Variants in GALNT10 observed in about 807,000 individuals in gnomAD.
The protein encoded by GALNT10 is GalNAc transferase 10.
A neutral mutation model predicts 75.0 loss-of-function variants in GALNT10; 41 were observed. That is an observed-to-expected ratio of 0.55 (90% CI 0.43 to 0.71). The LOEUF (loss-of-function observed/expected upper bound fraction) is 0.71, where lower values mean the gene tolerates loss of function less well. GALNT10 is among the 30% of genes least tolerant of loss of function. The pLI, the probability that GALNT10 is intolerant of heterozygous loss-of-function variation, is 0.00. For missense variants in GALNT10, 727 were observed against 818.5 expected, an observed-to-expected ratio of 0.89 and a Z score of 1.36; for synonymous variants, 302 against 313.0, an observed-to-expected ratio of 0.96 and a Z score of 0.37.
intron 7 of GALNT10, among the ~76,000 whole-genome samples, chr5:154,398,935 G>T (rs1302042267): frequency 6.6e-6 from 1 of 152,126 alleles, no homozygotes; most frequent in East Asian, 1.9e-4. Flanking sequence ...GTAATTTCAG[G>T]GTGGTGGTGT....
At chr5:154,224,611 C>T (rs1753032679) in intron 1 of GALNT10, among the ~76,000 whole-genome samples, 1 of 152,094 alleles carries the variant, frequency 6.6e-6, no homozygotes, top group South Asian at 2.1e-4. Context: ...TTAAGCTAAC[C>T]AGATTCATTC....
intron 1 of GALNT10, among the ~76,000 whole-genome samples, chr5:154,215,520 A>G (rs1581921834): frequency 6.6e-6 from 1 of 152,308 alleles, no homozygotes; most frequent in East Asian, 1.9e-4. Context: ...AAAAGGTGTT[A>G]TCTAGGTATT....
chr5:154,291,359 C>T (rs1754192368), intron 1 of GALNT10, among the ~76,000 whole-genome samples: 1 of 152,006 alleles, frequency 6.6e-6, no homozygotes, highest in Non-Finnish European at 1.5e-5. Context: ...CTTTTTTGGC[C>T]CAGCAGCGTC....
intron 4 of GALNT10, among the ~76,000 whole-genome samples, chr5:154,334,443 T>C (rs1754911969): frequency 6.6e-6 from 1 of 152,230 alleles, no homozygotes; most frequent in African/African-American, 2.4e-5. Context: ...GATGGGCGTA[T>C]AGGCTGGCAG....
intron 4 of GALNT10, among the ~76,000 whole-genome samples, chr5:154,368,553 C>T (rs1432897976): frequency 1.3e-5 from 2 of 152,170 alleles, no homozygotes; most frequent in African/African-American, 4.8e-5. Flanking sequence ...GTCTTACAAG[C>T]GGACTCATGT....
intron 1 of GALNT10, among the ~76,000 whole-genome samples, chr5:154,262,036 A>G (rs528910037): frequency 1.3e-5 from 2 of 152,320 alleles, no homozygotes; most frequent in South Asian, 2.1e-4. Flanking sequence ...CATGTGGGTT[A>G]CTGGTAGTAT....
In GALNT10 at chr5:154,413,074, G is replaced by A. The variant is rs72795437; in HGVS notation, c.1503+69G>A. On this transcript the variant is annotated intron_variant, in intron 10 of 11. Transcript: ENST00000297107. ...CATCTGCAGCCTGGGGTGCTGACACGGCCAGCTGGGAGGGAGAGGCATGGG... is the reference window on the plus strand; with the variant it reads ...CATCTGCAGCCTGGGGTGCTGACACAGCCAGCTGGGAGGGAGAGGCATGGG... 9,673 of 968,662 alleles carry A rather than the reference G, an allele frequency of 1.0e-2. 75 individuals are homozygous for A. Among genetic ancestry groups the A allele is most frequent in the Middle Eastern group, 0.017 (72 of 4,214 alleles). 60.0% of individuals were successfully genotyped at this position (968,662 alleles called of 1,614,324 possible).
At chr5:154,293,605 A>G (rs1413904602) in intron 1 of GALNT10, among the ~76,000 whole-genome samples, 2 of 121,010 alleles carry the variant, frequency 1.7e-5, no homozygotes, top group Non-Finnish European at 3.6e-5. Flanking sequence ...ATATATATAT[A>G]TATATATATT....
At chr5:154,358,468 T>G (rs1755331767) in intron 4 of GALNT10, among the ~76,000 whole-genome samples, 1 of 152,192 alleles carries the variant, frequency 6.6e-6, no homozygotes, top group Non-Finnish European at 1.5e-5. Flanking sequence ...TTATTCCCAC[T>G]TTGCAGATAA....
At chr5:154,415,134 CA>C (rs1018084022) in intron 10 of GALNT10, among the ~76,000 whole-genome samples, 10 of 151,536 alleles carry the variant, frequency 6.6e-5, no homozygotes, top group African/African-American at 1.9e-4. Flanking sequence ...AAAAAACAAA[CA>C]AAAAAAAGAA....
At chr5:154,257,417 G>A (rs1050847263) in intron 1 of GALNT10, among the ~76,000 whole-genome samples, 1 of 152,150 alleles carries the variant, frequency 6.6e-6, no homozygotes, top group Admixed American at 6.5e-5. Context: ...GCCTTCCTGT[G>A]TTTTCCATTT....
intron 4 of GALNT10, among the ~76,000 whole-genome samples, chr5:154,373,279 G>A (rs887914623): frequency 5.3e-5 from 8 of 152,198 alleles, no homozygotes; most frequent in African/African-American, 1.9e-4. Flanking sequence ...TTATAATCAT[G>A]CTGTGTCAAG....
At chr5:154,254,213 G>A (rs1040233863) in intron 1 of GALNT10, among the ~76,000 whole-genome samples, 2 of 152,156 alleles carry the variant, frequency 1.3e-5, no homozygotes, top group Non-Finnish European at 2.9e-5. Flanking sequence ...GGGATGCCTT[G>A]TTAGCAAATT....
chr5:154,402,361 G>A lies in GALNT10; in HGVS notation c.1057-1743G>A, dbSNP rs567297872. Among the ~76,000 whole-genome samples the A allele has an allele frequency of 6.6e-6, 1 of 152,212 alleles. No homozygotes were observed. Among genetic ancestry groups the A allele is most frequent in the East Asian group, 1.9e-4 (1 of 5,180 alleles). On this transcript the variant is annotated intron_variant, in intron 7 of 11. Transcript: ENST00000297107. The surrounding 1 kb of genome is among the most constrained non-coding windows in gnomAD (Gnocchi z 4.2). ...CCCTTGCCTTTACTTTCACCTTCTTGGTTCCACCTCAAACATCCCTTCCGA... is the reference window on the plus strand; with the variant it reads ...CCCTTGCCTTTACTTTCACCTTCTTAGTTCCACCTCAAACATCCCTTCCGA...
At position 154,389,948 on chromosome 5, in the gene GALNT10, G is replaced by C. The variant is rs1755867672; in HGVS notation, c.1056+3518G>C. 5.9e-5 allele frequency among the ~76,000 whole-genome samples: 9 copies of C among 152,046 alleles called. 1 individual carries two copies. In the South Asian group the frequency reaches 1.9e-3, roughly 32 times the overall value. On this transcript the variant is annotated intron_variant, in intron 7 of 11. Coordinates refer to ENST00000297107, the MANE Select transcript of GALNT10 (RefSeq NM_198321.4). ...CAAAAACCCCCTGCATCCTACTAAT[G>C]AGAACTAAACTCAGTCCAAAACATA...
chr5:154,206,678 G>A (rs1400592485), intron 1 of GALNT10, among the ~76,000 whole-genome samples: 1 of 152,234 alleles, frequency 6.6e-6, no homozygotes, highest in Non-Finnish European at 1.5e-5. Context: ...GCAGGAAGCG[G>A]GGAGCCTCTT....
At chr5:154,200,542 CAG>C (rs1483047611) in intron 1 of GALNT10, among the ~76,000 whole-genome samples, 1 of 152,040 alleles carries the variant, frequency 6.6e-6, no homozygotes, top group Non-Finnish European at 1.5e-5. Context: ...GAGTATTGAT[CAG>C]AGTCAGCTGC....
intron 1 of GALNT10, among the ~76,000 whole-genome samples, chr5:154,247,129 G>T (rs981850287): frequency 1.5e-4 from 23 of 152,102 alleles, no homozygotes; most frequent in African/African-American, 5.1e-4. Context: ...TAGATATGTG[G>T]CATTATTTCT....
chr5:154,286,279 A>G (rs1754109434), intron 1 of GALNT10, among the ~76,000 whole-genome samples: 1 of 152,144 alleles, frequency 6.6e-6, no homozygotes, highest in Admixed American at 6.5e-5. Context: ...TGTGTTCATC[A>G]TACACTTAAG....
Sources: allele counts gnomAD v4.1 joint callset (sites outside exome capture counted in the v4.1 genomes callset), GRCh38; gene constraint gnomAD v4.1.1; non-coding constraint Gnocchi (gnomAD v3.1); transcripts MANE v1.5; gene names NCBI Gene and HGNC (gene_info 2026-07-23, HGNC 2026-07-21).